Variants in DPP10 observed in about 807,000 individuals in gnomAD.
DPP10 encodes the protein inactive dipeptidyl peptidase 10.
A neutral mutation model predicts 120.9 loss-of-function variants in DPP10; 33 were observed. The observed-to-expected ratio is 0.27, with a 90% CI of 0.21 to 0.37. The LOEUF (loss-of-function observed/expected upper bound fraction) is 0.37, where lower values mean the gene tolerates loss of function less well. Ranked by LOEUF, DPP10 falls within the 10% of genes least tolerant of loss-of-function variation. The pLI, the probability that DPP10 is intolerant of heterozygous loss-of-function variation, is 1.00. For synonymous variants in DPP10, 337 were observed against 326.1 expected (o/e 1.03, Z -0.36); for missense variants, 816 against 942.8 (o/e 0.87, Z 1.76).
intron 1 of DPP10, among the ~76,000 whole-genome samples, chr2:115,042,803 T>C (rs1286500868): frequency 6.6e-6 from 1 of 152,208 alleles, no homozygotes; most frequent in Non-Finnish European, 1.5e-5. Flanking sequence ...TATGTTGATA[T>C]TTCCTTACTG....
intron 1 of DPP10, among the ~76,000 whole-genome samples, chr2:115,012,512 C>T (rs925882954): frequency 6.6e-6 from 1 of 152,200 alleles, no homozygotes; most frequent in African/African-American, 2.4e-5. Context: ...TCACAGGGCT[C>T]TTTGCAGACA....
intron 3 of DPP10, among the ~76,000 whole-genome samples, chr2:115,421,007 T>G (rs1256245758): frequency 6.6e-6 from 1 of 152,162 alleles, no homozygotes; most frequent in East Asian, 1.9e-4. Context: ...TCCCTGAAAT[T>G]GGAAGCAATG....
chr2:114,456,029 T>C (rs1678567353), intron 1 of DPP10, among the ~76,000 whole-genome samples: 1 of 152,136 alleles, frequency 6.6e-6, no homozygotes, highest in African/African-American at 2.4e-5. Context: ...CCTTCTAAAA[T>C]ATACAGGCAC....
chr2:115,779,007 C>T lies in DPP10; in HGVS notation c.1361+1173C>T, dbSNP rs530155224. Among the ~76,000 whole-genome samples the T allele has an allele frequency of 8.6e-5, 13 of 152,022 alleles. No homozygotes were observed. The East Asian group carries it at 1.4e-3, about 16-fold the overall frequency. On this transcript the variant is annotated intron_variant, in intron 15 of 25. Coordinates refer to ENST00000410059, the MANE Select transcript of DPP10 (RefSeq NM_020868.6). ...TTGAAACATACATTATGATTGATAT[C>T]GGTAGCCATAAACTGTAGCTTAGAG...
chr2:114,707,554 G>C (rs755894050), intron 1 of DPP10, among the ~76,000 whole-genome samples: 9 of 152,106 alleles, frequency 5.9e-5, no homozygotes, highest in Non-Finnish European at 1.0e-4. Context: ...GAGGCCATTG[G>C]TTTCATGGAA....
chr2:114,450,739 A>AAAG (rs1678218146), intron 1 of DPP10, among the ~76,000 whole-genome samples: 1 of 152,068 alleles, frequency 6.6e-6, no homozygotes, highest in African/African-American at 2.4e-5. Context: ...AAAAAAAAAA[A>AAAG]AAAGGTTTTG....
At chr2:115,790,374 C>G (rs979858204) in intron 17 of DPP10, among the ~76,000 whole-genome samples, 6 of 152,048 alleles carry the variant, frequency 3.9e-5, no homozygotes, top group Non-Finnish European at 8.8e-5. Flanking sequence ...CCACCGCGCC[C>G]GGCCTAGAAG....
chr2:115,239,366 A>G (rs888150672), intron 1 of DPP10, among the ~76,000 whole-genome samples: 9 of 152,258 alleles, frequency 5.9e-5, no homozygotes, highest in Admixed American at 2.6e-4. Flanking sequence ...GGCAAAATCC[A>G]TCGTCTTAAT....
intron 1 of DPP10, among the ~76,000 whole-genome samples, chr2:115,298,011 A>G (rs1362285492): frequency 6.6e-6 from 1 of 152,036 alleles, no homozygotes; most frequent in African/African-American, 2.4e-5. Context: ...ATAGCTAGTT[A>G]TCCGCCAGTC....
At chr2:115,276,234 T>G (rs1168650254) in intron 1 of DPP10, among the ~76,000 whole-genome samples, 1 of 152,116 alleles carries the variant, frequency 6.6e-6, no homozygotes, top group Admixed American at 6.5e-5. Context: ...CAATTCAAAT[T>G]TGGGACAATC....
intron 5 of DPP10, among the ~76,000 whole-genome samples, chr2:115,663,513 A>T (rs1057156476): frequency 7.9e-5 from 12 of 152,174 alleles, no homozygotes; most frequent in African/African-American, 2.4e-4. Flanking sequence ...CCTTCTGGGC[A>T]CTTATGTCCA....
chr2:114,788,358 A>C (rs1682940964), intron 1 of DPP10, among the ~76,000 whole-genome samples: 1 of 152,112 alleles, frequency 6.6e-6, no homozygotes, highest in African/African-American at 2.4e-5. Context: ...CTAGCCTAGT[A>C]ATTTCTTTAG....
At chr2:115,405,218 C>T (rs890588884) in intron 3 of DPP10, among the ~76,000 whole-genome samples, 1 of 152,172 alleles carries the variant, frequency 6.6e-6, no homozygotes, top group African/African-American at 2.4e-5. Context: ...GAGTATTCTC[C>T]TTCCAAAAGG....
chr2:115,429,775 G>A (rs974380871), intron 3 of DPP10, among the ~76,000 whole-genome samples: 1 of 152,154 alleles, frequency 6.6e-6, no homozygotes, highest in Non-Finnish European at 1.5e-5. Flanking sequence ...TGTTGACAAG[G>A]TAAGGTAGAT....
intron 1 of DPP10, among the ~76,000 whole-genome samples, chr2:114,668,345 G>A (rs1051250184): frequency 1.3e-5 from 2 of 152,098 alleles, no homozygotes; most frequent in African/African-American, 4.8e-5. Context: ...GAAGATGAAT[G>A]TCCTAGCGCA....
chr2:115,592,783 G>T (rs763993180), intron 5 of DPP10, among the ~76,000 whole-genome samples: 1 of 151,502 alleles, frequency 6.6e-6, no homozygotes, highest in Non-Finnish European at 1.5e-5. Flanking sequence ...AAAGAAAAAA[G>T]AAAGAAAGGA....
intron 3 of DPP10, among the ~76,000 whole-genome samples, chr2:115,414,689 G>C (rs2104612543): frequency 6.6e-6 from 1 of 152,244 alleles, no homozygotes; most frequent in Non-Finnish European, 1.5e-5. Context: ...ACTCTGCCAA[G>C]ATTTGTCCAA....
In DPP10 at chr2:115,225,508, TGTGC is replaced by T. The variant is rs762121046; in HGVS notation, c.61-83727_61-83724del. On this transcript the variant is annotated intron_variant, in intron 1 of 25. Coordinates refer to ENST00000410059, the MANE Select transcript of DPP10 (RefSeq NM_020868.6). Reference sequence around the variant, plus strand: ...AACCGCATGAATGTGTGTGTGTGTGTGTGCGTGTGTGTGTGTGTGTGTATGCATG... The same window carrying T: ...AACCGCATGAATGTGTGTGTGTGTGTGTGTGTGTGTGTGTGTGTATGCATG... 3.5e-5 allele frequency among the ~76,000 whole-genome samples: 5 copies of T among 143,074 alleles called. No homozygotes were observed. The East Asian group carries it at 6.4e-4, about 18-fold the overall frequency. 93.9% of individuals were successfully genotyped at this position (143,074 alleles called of 152,430 possible).
At chr2:114,533,080 T>G (rs1293597798) in intron 1 of DPP10, among the ~76,000 whole-genome samples, 1 of 152,182 alleles carries the variant, frequency 6.6e-6, no homozygotes, top group African/African-American at 2.4e-5. Context: ...TTGAGAATCA[T>G]GCTTACCAAG....
Sources: allele counts gnomAD v4.1 joint callset (sites outside exome capture counted in the v4.1 genomes callset), GRCh38; gene constraint gnomAD v4.1.1; transcripts MANE v1.5; gene names NCBI Gene and HGNC (gene_info 2026-07-23, HGNC 2026-07-21).